The following EXOC4 variants were observed in gnomAD, a reference collection of about 807,000 sequenced individuals.
EXOC4 encodes the protein exocyst complex component 4.
Under a neutral mutation model 107.2 loss-of-function variants are expected in EXOC4, and 71 were observed. The ratio of observed to expected loss-of-function variants is 0.66; its 90% CI spans 0.55 to 0.81. The LOEUF is 0.81. Among genes scored for constraint, EXOC4 ranks in the 30% least tolerant of loss-of-function variants. EXOC4 has a pLI of 0.00. For missense variants in EXOC4, 1,108 were observed against 1,189.6 expected (o/e 0.93, Z 1.01); for synonymous variants, 456 against 441.2 (o/e 1.03, Z -0.42).
chr7:133,663,465 T>C (rs746790443), intron 10 of EXOC4, among the ~76,000 whole-genome samples: 1 of 152,208 alleles, frequency 6.6e-6, no homozygotes, highest in Non-Finnish European at 1.5e-5. Flanking sequence ...TGCCTTTTGC[T>C]TAACATGTCC....
chr7:133,603,690 G>C (rs1262640371), intron 9 of EXOC4, among the ~76,000 whole-genome samples: 1 of 152,194 alleles, frequency 6.6e-6, no homozygotes, highest in Non-Finnish European at 1.5e-5. Context: ...TGGTCCATCT[G>C]TATGGGGCCT....
intron 5 of EXOC4, among the ~76,000 whole-genome samples, chr7:133,331,667 G>C (rs191126832): frequency 6.6e-6 from 1 of 151,744 alleles, no homozygotes. Flanking sequence ...GGGTTTCACC[G>C]TGTTAGCCAG....
chr7:133,335,449 A>C (rs1278772598), intron 5 of EXOC4, among the ~76,000 whole-genome samples: 1 of 152,204 alleles, frequency 6.6e-6, no homozygotes, highest in Non-Finnish European at 1.5e-5. Flanking sequence ...AAGTGGAATC[A>C]TATAGTATTT....
chr7:133,707,058 A>T (rs1172833428), intron 10 of EXOC4, among the ~76,000 whole-genome samples: 1 of 150,784 alleles, frequency 6.6e-6, no homozygotes, highest in African/African-American at 2.4e-5. Context: ...GTGTGTACAC[A>T]TTAAGTGGCC....
intron 9 of EXOC4, among the ~76,000 whole-genome samples, chr7:133,544,195 A>G (rs935593123): frequency 3.9e-5 from 6 of 151,996 alleles, no homozygotes; most frequent in Admixed American, 3.9e-4. Flanking sequence ...ATATATGTTC[A>G]AAGTAAATTT....
chr7:134,064,185 G>A (rs963009222), intron 17 of EXOC4, 106 bp from the exon 18 acceptor site: 17 of 660,816 alleles, frequency 2.6e-5, no homozygotes, highest in Non-Finnish European at 4.1e-5. Flanking sequence ...CTGATCAATC[G>A]TTATGAAGTA....
intron 10 of EXOC4, among the ~76,000 whole-genome samples, chr7:133,786,960 A>G (rs2151179612): frequency 6.6e-6 from 1 of 152,370 alleles, no homozygotes; most frequent in East Asian, 1.9e-4. Flanking sequence ...AATCACTTAT[A>G]CTTCAGTTAT....
intron 12 of EXOC4, among the ~76,000 whole-genome samples, chr7:133,916,864 G>A (rs370108028): frequency 3.3e-5 from 5 of 152,156 alleles, no homozygotes; most frequent in Admixed American, 1.3e-4. Context: ...ATGTTGAACC[G>A]AAAGAAAAGC....
rs1563029890 is a variant in EXOC4, at chr7:133,857,183, TATATATATATATATATA to T, written c.1735-38415_1735-38399del. On this transcript the variant is annotated intron_variant, in intron 11 of 17. Transcript: ENST00000253861. ...ATATATATATATATATATATATATA[TATATATATATATATATA>T]TTTTACCTCTACTTAACCTCCCTGG... is the stretch of plus-strand genomic sequence containing the variant. Among the ~76,000 whole-genome samples, 18 of 17,888 alleles carry T rather than the reference TATATATATATATATATA, an allele frequency of 1.0e-3. 2 individuals carry two copies. The highest frequency in any genetic ancestry group is 1.3e-3 in the Non-Finnish European group (15 of 11,150). 11.7% of individuals were successfully genotyped at this position (17,888 alleles called of 152,430 possible).
At chr7:133,701,895 A>G (rs753042572) in intron 10 of EXOC4, among the ~76,000 whole-genome samples, 1 of 152,052 alleles carries the variant, frequency 6.6e-6, no homozygotes, top group Non-Finnish European at 1.5e-5. Flanking sequence ...ATCAGAAAAC[A>G]AAGGTGTCAC....
chr7:133,426,080 A>G (rs943443375), intron 7 of EXOC4, among the ~76,000 whole-genome samples: 1 of 152,184 alleles, frequency 6.6e-6, no homozygotes, highest in African/African-American at 2.4e-5. Context: ...GGCTCAGAAT[A>G]TATCTCTTCA....
chr7:133,788,170 G>A (rs1796627642), intron 10 of EXOC4, among the ~76,000 whole-genome samples: 1 of 149,660 alleles, frequency 6.7e-6, no homozygotes, highest in Admixed American at 6.7e-5. Context: ...AGTATCTCAG[G>A]GCTCAGTTTT....
At chr7:133,540,618 T>G (rs1458690979) in intron 9 of EXOC4, among the ~76,000 whole-genome samples, 1 of 152,214 alleles carries the variant, frequency 6.6e-6, no homozygotes, top group Non-Finnish European at 1.5e-5. Flanking sequence ...TGCATATATA[T>G]ATGTATGTGT....
intron 6 of EXOC4, among the ~76,000 whole-genome samples, chr7:133,368,665 C>T (rs1796298174): frequency 6.6e-6 from 1 of 152,046 alleles, no homozygotes; most frequent in Non-Finnish European, 1.5e-5. Flanking sequence ...GTATTCAAGT[C>T]CAGGTTTCTA....
At chr7:133,974,934 G>A (rs1458540001) in intron 14 of EXOC4, among the ~76,000 whole-genome samples, 1 of 152,104 alleles carries the variant, frequency 6.6e-6, no homozygotes, top group African/African-American at 2.4e-5. Flanking sequence ...TTTGCTCTGT[G>A]TATAATGCTT....
intron 11 of EXOC4, among the ~76,000 whole-genome samples, chr7:133,861,648 C>G (rs375974826): frequency 1.3e-5 from 2 of 152,252 alleles, no homozygotes; most frequent in South Asian, 2.1e-4. Flanking sequence ...ATTCTCCTGC[C>G]TCAGCCTCCC....
chr7:133,605,366 AC>A lies in EXOC4; in HGVS notation c.1418-24675del, dbSNP rs779538019. 2.0e-5 allele frequency among the ~76,000 whole-genome samples: 3 copies of A among 152,022 alleles called. No homozygotes were observed. The South Asian group carries it at 6.2e-4, about 32-fold the overall frequency. On this transcript the variant is annotated intron_variant, in intron 9 of 17. Transcript: ENST00000253861. The stretch of plus-strand genomic sequence containing the variant: ...ACTATCTATTTCTATCATTTTTATC[AC>A]CCCTATAGGAAACCGCTATTCATTA...
intron 9 of EXOC4, among the ~76,000 whole-genome samples, chr7:133,593,300 T>C (rs144851875): frequency 1.6e-3 from 238 of 152,304 alleles, no homozygotes; most frequent in Non-Finnish European, 2.9e-3. Context: ...TGCTTCCTTG[T>C]TTTGGTTGTG....
chr7:134,044,332 A>C (rs1454462418), intron 17 of EXOC4, among the ~76,000 whole-genome samples: 1 of 152,178 alleles, frequency 6.6e-6, no homozygotes, highest in Non-Finnish European at 1.5e-5. Context: ...AAAGCACTAG[A>C]AATTAGGAGA....
Sources: gnomAD v4.1 joint callset for allele counts (sites outside exome capture counted in the v4.1 genomes callset) on GRCh38, gnomAD v4.1.1 for gene constraint, MANE v1.5 for transcripts, NCBI Gene and HGNC (gene_info 2026-07-23, HGNC 2026-07-21) for gene names.